Variants in RCAN2 observed in about 807,000 individuals in gnomAD.
The protein encoded by RCAN2 is regulator of calcineurin 2, also known as calcipressin-2.
RCAN2 carries 9 observed loss-of-function variants against 23.6 expected under a neutral mutation model. The ratio of observed to expected loss-of-function variants is 0.38; its 90% CI spans 0.23 to 0.67. RCAN2 has a LOEUF of 0.67. RCAN2 is among the 30% of genes least tolerant of loss of function. The pLI, the probability that RCAN2 is intolerant of heterozygous loss-of-function variation, is 0.51. For missense variants in RCAN2, 273 were observed against 302.3 expected (o/e 0.90, Z 0.72); for synonymous variants, 109 against 115.7 (o/e 0.94, Z 0.37).
intron 2 of RCAN2, among the ~76,000 whole-genome samples, chr6:46,318,765 A>C (rs1445444211): frequency 6.6e-6 from 1 of 152,228 alleles, no homozygotes; most frequent in African/African-American, 2.4e-5. Flanking sequence ...ATACATTTGC[A>C]CATGTGTATA....
chr6:46,261,296 T>A (rs1287152519), intron 2 of RCAN2, among the ~76,000 whole-genome samples: 2 of 152,210 alleles, frequency 1.3e-5, no homozygotes, highest in African/African-American at 4.8e-5. Context: ...ACTAGCAAAC[T>A]CTAGAGCTAG....
chr6:46,362,759 T>C (rs1765054136), intron 2 of RCAN2, among the ~76,000 whole-genome samples: 1 of 152,034 alleles, frequency 6.6e-6, no homozygotes, highest in African/African-American at 2.4e-5. Flanking sequence ...TTTGCAGCAA[T>C]TCCTTCATAT....
chr6:46,466,348 C>A (rs926297407), intron 1 of RCAN2, among the ~76,000 whole-genome samples: 2 of 152,098 alleles, frequency 1.3e-5, no homozygotes, highest in African/African-American at 4.8e-5. Context: ...GTGAGAGATA[C>A]TGCAGCTTTG....
At chr6:46,466,786 T>C (rs1582225785) in intron 1 of RCAN2, among the ~76,000 whole-genome samples, 1 of 152,166 alleles carries the variant, frequency 6.6e-6, no homozygotes, top group East Asian at 1.9e-4. Flanking sequence ...CAGTATCAAG[T>C]TCCAGCTCAG....
intron 2 of RCAN2, among the ~76,000 whole-genome samples, chr6:46,329,878 A>G (rs1763908782): frequency 6.6e-6 from 1 of 152,216 alleles, no homozygotes; most frequent in Non-Finnish European, 1.5e-5. Context: ...AAGGATGGAC[A>G]GCTGAGCTGA....
intron 2 of RCAN2, among the ~76,000 whole-genome samples, chr6:46,443,771 G>A (rs1324159894): frequency 6.6e-6 from 1 of 152,158 alleles, no homozygotes; most frequent in Non-Finnish European, 1.5e-5. Context: ...AATCACCTGA[G>A]TTCTTTCTGC....
intron 2 of RCAN2, among the ~76,000 whole-genome samples, chr6:46,345,732 G>A (rs1175848674): frequency 1.3e-5 from 2 of 152,104 alleles, no homozygotes; most frequent in Non-Finnish European, 2.9e-5. Context: ...TGTCACAACA[G>A]ATTTAATGAA....
chr6:46,463,523 G>A (rs1768282297), intron 1 of RCAN2, among the ~76,000 whole-genome samples: 1 of 152,068 alleles, frequency 6.6e-6, no homozygotes. Flanking sequence ...CAAGGAACAG[G>A]GTGATGATTG....
intron 2 of RCAN2, among the ~76,000 whole-genome samples, chr6:46,273,260 T>C (rs1767576270): frequency 6.6e-6 from 1 of 152,226 alleles, no homozygotes; most frequent in Non-Finnish European, 1.5e-5. Flanking sequence ...ACATTTAGTC[T>C]TGCTTCCACT....
At chr6:46,383,262 T>C (rs915147394) in intron 2 of RCAN2, among the ~76,000 whole-genome samples, 5 of 150,896 alleles carry the variant, frequency 3.3e-5, no homozygotes, top group Admixed American at 1.3e-4. Context: ...GGAGGAGGCA[T>C]TTGAAGTACG....
rs1310040595 is a variant in RCAN2, at chr6:46,221,340, T to A, written c.*1801A>T. Reference sequence around the variant, plus strand: ...AGGCTGGATGCTGCAGTGCTCTGCATCTGAATAGCGGAGCCTACTATTTCT... The same window carrying A: ...AGGCTGGATGCTGCAGTGCTCTGCAACTGAATAGCGGAGCCTACTATTTCT... On this transcript the variant is annotated 3_prime_UTR_variant, in exon 5 of 5. Transcript: ENST00000371374. 6.6e-6 allele frequency: 1 copy of A among 152,644 alleles called. No homozygotes were observed. Among genetic ancestry groups the A allele is most frequent in the Non-Finnish European group, 1.5e-5 (1 of 68,046 alleles). The allele number at this position is 152,644 out of a possible 1,614,324, so 9.5% of individuals were successfully genotyped here. A position where few individuals can be genotyped will look rare whatever the true frequency, so the allele number is the denominator to read the frequency against.
intron 1 of RCAN2, among the ~76,000 whole-genome samples, chr6:46,483,368 G>A (rs1267065207): frequency 6.6e-6 from 1 of 152,120 alleles, no homozygotes; most frequent in Admixed American, 6.5e-5. Context: ...GGCTATGATA[G>A]CCCTCTTAAC....
At chr6:46,350,000 A>G (rs76971109) in intron 2 of RCAN2, among the ~76,000 whole-genome samples, 2,737 of 152,298 alleles carry the variant, frequency 0.018, 90 homozygotes, top group African/African-American at 0.061. Context: ...CCCACTTGAC[A>G]TCACTGGCCC....
intron 2 of RCAN2, among the ~76,000 whole-genome samples, chr6:46,450,082 A>G (rs1269561911): frequency 6.6e-6 from 1 of 152,022 alleles, no homozygotes; most frequent in Admixed American, 6.6e-5. Flanking sequence ...AAAAATACAT[A>G]AGGAACTCAA....
chr6:46,253,764 G>A (rs531176362), intron 2 of RCAN2, among the ~76,000 whole-genome samples: 2 of 152,204 alleles, frequency 1.3e-5, no homozygotes, highest in East Asian at 3.9e-4. Flanking sequence ...CTGCATATCT[G>A]ACTGTGGTCC....
intron 1 of RCAN2, chr6:46,468,687 T>C (rs1041498129): frequency 7.7e-6 from 3 of 391,644 alleles, no homozygotes; most frequent in East Asian, 1.6e-4. Context: ...GCTCCTGATA[T>C]GCTGTGCTGA....
At chr6:46,311,260 C>T (rs554912637) in intron 2 of RCAN2, among the ~76,000 whole-genome samples, 3 of 152,306 alleles carry the variant, frequency 2.0e-5, no homozygotes, top group East Asian at 1.9e-4. Flanking sequence ...CCTTCTGTCT[C>T]TCTACAGCCC....
chr6:46,422,760 G>GAA (rs1168475456), intron 2 of RCAN2, among the ~76,000 whole-genome samples: 1 of 152,200 alleles, frequency 6.6e-6, no homozygotes, highest in Non-Finnish European at 1.5e-5. Flanking sequence ...AAAGGCTGCA[G>GAA]AAAACCAAGT....
At chr6:46,405,178 T>C (rs1397645082) in intron 2 of RCAN2, among the ~76,000 whole-genome samples, 3 of 151,070 alleles carry the variant, frequency 2.0e-5, no homozygotes, top group Admixed American at 2.0e-4. Flanking sequence ...GTGTTCGGAG[T>C]TTTTTCCTTC....
Sources: allele counts gnomAD v4.1 joint callset (sites outside exome capture counted in the v4.1 genomes callset), GRCh38; gene constraint gnomAD v4.1.1; transcripts MANE v1.5; gene names NCBI Gene and HGNC (gene_info 2026-07-23, HGNC 2026-07-21).